GALNT17: variants seen among roughly 807,000 people sequenced by gnomAD.
GALNT17 encodes UDP-GalNAc:polypeptide N-acetylgalactosaminyltransferase-like 3.
In GALNT17, 29 loss-of-function variants were observed where a neutral mutation model predicts 63.7. The observed-to-expected ratio is 0.46, with a 90% confidence interval of 0.34 to 0.62. GALNT17 has a LOEUF of 0.62. Among genes scored for constraint, GALNT17 ranks in the 20% least tolerant of loss-of-function variants. GALNT17 has a pLI of 0.01. For missense variants in GALNT17, 603 were observed against 799.6 expected (o/e 0.75, Z 2.97); for synonymous variants, 305 against 318.3 (o/e 0.96, Z 0.45).
At chr7:71,515,586 T>A (rs915368501) in intron 5 of GALNT17, among the ~76,000 whole-genome samples, 3 of 152,204 alleles carry the variant, frequency 2.0e-5, no homozygotes, top group Non-Finnish European at 4.4e-5. Context: ...CCGCACTCCC[T>A]ACTCATGGAT....
chr7:71,542,611 G>A (rs1029714075), intron 5 of GALNT17, among the ~76,000 whole-genome samples: 4 of 149,622 alleles, frequency 2.7e-5, no homozygotes, highest in African/African-American at 4.9e-5. Context: ...CAGGAGAATC[G>A]CTTGAACCGG....
At chr7:71,530,757 A>G (rs1487188501) in intron 5 of GALNT17, among the ~76,000 whole-genome samples, 1 of 151,902 alleles carries the variant, frequency 6.6e-6, no homozygotes, top group Non-Finnish European at 1.5e-5. Flanking sequence ...TTTAGTAGAG[A>G]CGGGGTTTCA....
chr7:71,544,012 C>T (rs199528756), intron 5 of GALNT17, among the ~76,000 whole-genome samples: 5 of 151,832 alleles, frequency 3.3e-5, no homozygotes, highest in African/African-American at 1.2e-4. Flanking sequence ...AGGCTGGTCT[C>T]GAACTCCTGA....
At chr7:71,376,554 AGTGTGTGTGTATGT>A (rs1207028041) in intron 2 of GALNT17, among the ~76,000 whole-genome samples, 2 of 145,648 alleles carry the variant, frequency 1.4e-5, no homozygotes, top group African/African-American at 2.5e-5. Context: ...TATGTGTGCG[AGTGTGTGTGTATGT>A]GTGTGTGTGT....
At chr7:71,678,884 G>A (rs1334336656) in intron 9 of GALNT17, among the ~76,000 whole-genome samples, 1 of 151,420 alleles carries the variant, frequency 6.6e-6, no homozygotes, top group Non-Finnish European at 1.5e-5. Context: ...CTTGAACCTG[G>A]GAGGTGGAGT....
At chr7:71,376,203 T>G (rs1332024581) in intron 2 of GALNT17, among the ~76,000 whole-genome samples, 6 of 152,142 alleles carry the variant, frequency 3.9e-5, no homozygotes, top group Admixed American at 3.3e-4. Context: ...TTTTCATCCC[T>G]CTTGCAGCAG....
intron 2 of GALNT17, among the ~76,000 whole-genome samples, chr7:71,371,490 A>G (rs1403447484): frequency 2.0e-5 from 3 of 152,138 alleles, no homozygotes; most frequent in Non-Finnish European, 4.4e-5. Context: ...TTATTTATCT[A>G]ATTGTGCTCT....
chr7:71,546,822 G>A (rs1180481451), intron 5 of GALNT17, among the ~76,000 whole-genome samples: 2 of 152,090 alleles, frequency 1.3e-5, no homozygotes, highest in Non-Finnish European at 2.9e-5. Context: ...TCAGACCCTG[G>A]AAGTCATGGT....
intron 1 of GALNT17, among the ~76,000 whole-genome samples, chr7:71,239,304 C>CT (rs59397257): frequency 1.3e-5 from 2 of 150,130 alleles, no homozygotes; most frequent in Non-Finnish European, 3.0e-5. Flanking sequence ...TACCCCCCCC[C>CT]AAAAAAAAAT....
intron 1 of GALNT17, among the ~76,000 whole-genome samples, chr7:71,155,407 G>A (rs1788216678): frequency 6.6e-6 from 1 of 151,656 alleles, no homozygotes; most frequent in Admixed American, 6.6e-5. Flanking sequence ...CACAGTAGCT[G>A]GGACCACGGA....
At chr7:71,230,944 A>G (rs1274141833) in intron 1 of GALNT17, among the ~76,000 whole-genome samples, 1 of 152,162 alleles carries the variant, frequency 6.6e-6, no homozygotes. Context: ...CAGAAACTGT[A>G]GCGTGAGGAC....
Position 71,400,905 on chromosome 7 carries a change from G to A in GALNT17, c.589+12504G>A, listed in dbSNP as rs539227842. On this transcript the variant is annotated intron_variant, in intron 3 of 10. Coordinates refer to ENST00000333538, the MANE Select transcript of GALNT17 (RefSeq NM_022479.3). ...AAGAATGGGATATGCTAAGAATTAA[G>A]AATCACAGGTTTGGGAAGGCAATGG... is the stretch of plus-strand genomic sequence containing the variant. Among the ~76,000 whole-genome samples the A allele has an allele frequency of 5.8e-4, 88 of 152,258 alleles. 1 individual carries two copies. In the South Asian group the frequency reaches 0.012, roughly 20 times the overall value.
At chr7:71,607,263 AAGG>A (rs1790060865) in intron 6 of GALNT17, among the ~76,000 whole-genome samples, 2 of 152,240 alleles carry the variant, frequency 1.3e-5, no homozygotes, top group Non-Finnish European at 1.5e-5. Flanking sequence ...TGAGAAACTA[AAGG>A]AGTTCATCAT....
At chr7:71,316,227 G>GATCAGGATCCTGATCTGTGGA (rs1791496723) in intron 1 of GALNT17, among the ~76,000 whole-genome samples, 2 of 129,618 alleles carry the variant, frequency 1.5e-5, no homozygotes, top group African/African-American at 3.3e-5. Flanking sequence ...TGATCTGTGG[G>GATCAGGATCCTGATCTGTGGA]TCTGATCAGG....
At chr7:71,204,751 G>A (rs537602298) in intron 1 of GALNT17, among the ~76,000 whole-genome samples, 1 of 150,606 alleles carries the variant, frequency 6.6e-6, no homozygotes, top group Non-Finnish European at 1.5e-5. Context: ...TTTTGTTTTT[G>A]TTTTTGTTTT....
chr7:71,462,857 C>A (rs1787474359), intron 5 of GALNT17, among the ~76,000 whole-genome samples: 1 of 152,166 alleles, frequency 6.6e-6, no homozygotes, highest in African/African-American at 2.4e-5. Flanking sequence ...CTTGAGTTTT[C>A]CCTTTAGCTT....
intron 2 of GALNT17, among the ~76,000 whole-genome samples, chr7:71,365,583 A>G (rs1425283941): frequency 6.6e-6 from 1 of 152,224 alleles, no homozygotes; most frequent in Non-Finnish European, 1.5e-5. Context: ...CTCCCTCCAC[A>G]GCTCAGCATA....
chr7:71,279,921 A>G lies in GALNT17; in HGVS notation c.239-55629A>G, dbSNP rs146353523. ...GGGGGTTATACCTTTTATCAAAATC[A>G]AATAATCTTCCGGCCCACTAAATGA... On this transcript the variant is annotated intron_variant, in intron 1 of 10. Coordinates refer to ENST00000333538, the MANE Select transcript of GALNT17 (RefSeq NM_022479.3). Among the ~76,000 whole-genome samples, 702 of 152,138 alleles carry G rather than the reference A, an allele frequency of 4.6e-3. 7 individuals are homozygous for G. Among genetic ancestry groups the G allele is most frequent in the African/African-American group, 0.015 (643 of 41,484 alleles).
At chr7:71,557,283 C>A (rs1223654321) in intron 5 of GALNT17, among the ~76,000 whole-genome samples, 1 of 152,128 alleles carries the variant, frequency 6.6e-6, no homozygotes, top group African/African-American at 2.4e-5. Context: ...CTCCACCATG[C>A]AAAAATCTCA....
Sources: allele counts gnomAD v4.1 joint callset (sites outside exome capture counted in the v4.1 genomes callset), GRCh38; gene constraint gnomAD v4.1.1; transcripts MANE v1.5; gene names NCBI Gene and HGNC (gene_info 2026-07-23, HGNC 2026-07-21).